ORC1: variants seen among roughly 807,000 people sequenced by gnomAD.
ORC1 encodes origin recognition complex subunit 1.
ORC1 carries 61 observed loss-of-function variants against 98.9 expected under a neutral mutation model. The observed-to-expected ratio is 0.62, with a 90% CI of 0.50 to 0.76. The LOEUF is 0.76. ORC1 is among the 30% of genes least tolerant of loss of function. The pLI is 0.00. For missense variants in ORC1, 979 were observed against 1,072.2 expected (o/e 0.91, Z 1.21); for synonymous variants, 385 against 406.9 (o/e 0.95, Z 0.65).
Position 52,389,433 on chromosome 1 carries a change from C to T in ORC1, c.1083-112G>A, listed in dbSNP as rs1647183052. On this transcript the variant is annotated intron_variant, in intron 6 of 16. Transcript: ENST00000371568. ...TTGGCTCCCAGTCTTTTTATATATA[C>T]TTTGAAAAGAGTAAAACTTTCTTTC... 5 of 744,712 alleles carry T rather than the reference C, an allele frequency of 6.7e-6. No individual in the cohort carries two copies. In the South Asian group the frequency reaches 7.4e-5, roughly 11 times the overall value. The allele number at this position is 744,712 out of a possible 1,614,324, so 46.1% of individuals were successfully genotyped here.
chr1:52,392,806 A>G (rs1423208850), intron 6 of ORC1, among the ~76,000 whole-genome samples: 1 of 152,230 alleles, frequency 6.6e-6, no homozygotes, highest in Non-Finnish European at 1.5e-5. Flanking sequence ...TGACTTGGAA[A>G]TGGAAAACCA....
rs922762964 is a variant in ORC1 at position 52,377,010 on chromosome 1, A to C, written c.2134-1411T>G. Among the ~76,000 whole-genome samples the C allele has an allele frequency of 1.7e-4, 26 of 151,934 alleles. 1 individual carries two copies. The highest frequency in any genetic ancestry group is 1.0e-3 in the Admixed American group (16 of 15,248). Reference sequence around the variant, plus strand: ...TAGGTGGATGTGGGCACACACAAAAAACTTGGGTTTTATTTATTTATTTAT... The same window carrying C: ...TAGGTGGATGTGGGCACACACAAAACACTTGGGTTTTATTTATTTATTTAT... On this transcript the variant is annotated intron_variant, in intron 14 of 16. Transcript: ENST00000371568.
upstream of ORC1, chr1:52,405,580 C>G: frequency 9.8e-7 from 1 of 1,021,002 alleles, no homozygotes; most frequent in Non-Finnish European, 1.5e-6. Context: ...TAATATTACA[C>G]TGTTGATGTA....
At chr1:52,392,818 A>G (rs896053590) in intron 6 of ORC1, among the ~76,000 whole-genome samples, 2 of 152,234 alleles carry the variant, frequency 1.3e-5, no homozygotes, top group Non-Finnish European at 2.9e-5. Flanking sequence ...GGAAAACCAA[A>G]TATCATATGT....
intron 14 of ORC1, among the ~76,000 whole-genome samples, chr1:52,376,192 C>T (rs1646993126): frequency 6.6e-6 from 1 of 151,610 alleles, no homozygotes; most frequent in Non-Finnish European, 1.5e-5. Context: ...GCCAACATGG[C>T]GAAACCCCAT....
chr1:52,383,143 A>C (rs991274769), intron 13 of ORC1, among the ~76,000 whole-genome samples: 15 of 151,720 alleles, frequency 9.9e-5, no homozygotes, highest in Non-Finnish European at 2.2e-4. Context: ...ATCTCAACTC[A>C]ATGCAAACTC....
intron 3 of ORC1, among the ~76,000 whole-genome samples, chr1:52,400,023 C>T (rs1303845314): frequency 6.6e-6 from 1 of 152,216 alleles, no homozygotes; most frequent in Non-Finnish European, 1.5e-5. Flanking sequence ...AGACTAAAGT[C>T]ATCCAATGGA....
intron 1 of ORC1, among the ~76,000 whole-genome samples, chr1:52,402,486 T>C (rs1316318327): frequency 2.0e-5 from 3 of 152,206 alleles, no homozygotes; most frequent in Admixed American, 1.3e-4. Flanking sequence ...AACAGAAAGG[T>C]CAATTCCTAA....
chr1:52,374,171 C>G (rs1435396324), intron 16 of ORC1, among the ~76,000 whole-genome samples: 1 of 152,150 alleles, frequency 6.6e-6, no homozygotes, highest in African/African-American at 2.4e-5. Context: ...ATCTCAGACT[C>G]TAGGAGGAGA....
intron 3 of ORC1, 127 bp downstream of exon 3, chr1:52,401,235 G>A (rs1251398183): frequency 2.5e-6 from 3 of 1,213,106 alleles, no homozygotes; most frequent in Non-Finnish European, 3.7e-6. Flanking sequence ...GACGCAGCTA[G>A]TTCTTACGTG....
chr1:52,401,790 T>TAAC (rs936598364), intron 2 of ORC1, among the ~76,000 whole-genome samples: 1 of 152,210 alleles, frequency 6.6e-6, no homozygotes, highest in Non-Finnish European at 1.5e-5. Context: ...AGCTGCCCAG[T>TAAC]AACAATGTCA....
At chr1:52,383,644 C>G (rs1647103310) in intron 12 of ORC1, 75 bp from the exon 13 acceptor site, 1 of 1,526,064 alleles carries the variant, frequency 6.6e-7, no homozygotes, top group Admixed American at 1.7e-5. Context: ...AGACCTATAA[C>G]CACTGCTTTA....
At chr1:52,408,803 T>C, upstream of ORC1, 1 of 1,299,650 alleles carries the variant, frequency 7.7e-7, no homozygotes, top group Non-Finnish European at 1.1e-6. Flanking sequence ...TCATCTACAT[T>C]GTTACTGTCT....
Position 52,375,616 on chromosome 1 carries a change from T to C in ORC1, c.2134-17A>G, listed in dbSNP as rs760142022. 9 of 1,612,064 alleles carry C rather than the reference T, an allele frequency of 5.6e-6. No homozygotes were observed. Among genetic ancestry groups the C allele is most frequent in the Non-Finnish European group, 7.6e-6 (9 of 1,179,168 alleles). On this transcript the variant is annotated splice_polypyrimidine_tract_variant and intron_variant, in intron 14 of 16. Transcript: ENST00000371568. ...TGCTGCTACCTACAAGAGGGAATAT[T>C]TTATTCCTGAGGCCACCTTAGCCCA...
intron 13 of ORC1, 152 bp downstream of exon 13, chr1:52,383,268 T>TG: frequency 1.3e-6 from 1 of 797,616 alleles, no homozygotes; most frequent in Non-Finnish European, 2.1e-6. Context: ...AGGCTGGTCT[T>TG]GAACTCCTGA....
chr1:52,389,338 C>G lies in ORC1; in HGVS notation c.1083-17G>C. ...TTTGCATCCCTGCAAGAAACCACAG[C>G]GAGGTCACGGGAAGCAGTTTTGGAT... is the stretch of plus-strand genomic sequence containing the variant. On this transcript the variant is annotated splice_polypyrimidine_tract_variant and intron_variant, in intron 6 of 16. Transcript: ENST00000371568. 6.2e-7 allele frequency: 1 copy of G among 1,603,100 alleles called. No homozygotes were observed. Among genetic ancestry groups the G allele is most frequent in the African/African-American group, 1.3e-5 (1 of 74,814 alleles).
At chr1:52,375,243 T>C (rs1042764367) in intron 15 of ORC1, among the ~76,000 whole-genome samples, 187 bp downstream of exon 15, 21 of 152,180 alleles carry the variant, frequency 1.4e-4, no homozygotes, top group African/African-American at 4.8e-4. Context: ...TAAACACCTA[T>C]AATATAGCTC....
At chr1:52,378,162 T>C (rs112888547) in intron 14 of ORC1, among the ~76,000 whole-genome samples, 2 of 151,408 alleles carry the variant, frequency 1.3e-5, no homozygotes, top group African/African-American at 2.4e-5. Context: ...CTGGCTAACA[T>C]GGTGAAACCC....
At chr1:52,397,602 G>T in intron 4 of ORC1, 83 bp downstream of exon 4, 1 of 1,270,340 alleles carries the variant, frequency 7.9e-7, no homozygotes, top group South Asian at 1.2e-5. Flanking sequence ...TATTAGAGCC[G>T]GTAATATTTC....
Sources: gnomAD v4.1 joint callset for allele counts (sites outside exome capture counted in the v4.1 genomes callset) on GRCh38, gnomAD v4.1.1 for gene constraint, MANE v1.5 for transcripts, NCBI Gene and HGNC (gene_info 2026-07-23, HGNC 2026-07-21) for gene names.